Variants in CDH13 observed in about 807,000 individuals in gnomAD.
CDH13 encodes cadherin 13, also known as cadherin-13.
Under a neutral mutation model 63.8 loss-of-function variants are expected in CDH13, and 24 were observed. That is an observed-to-expected ratio of 0.38 (90% CI 0.27 to 0.53). The LOEUF (loss-of-function observed/expected upper bound fraction) is 0.53, where lower values mean the gene tolerates loss of function less well. Among genes scored for constraint, CDH13 ranks in the 20% least tolerant of loss-of-function variants. The pLI, the probability that CDH13 is intolerant of heterozygous loss-of-function variation, is 0.85. For missense variants in CDH13, 1,049 were observed against 903.1 expected (o/e 1.16, Z -2.07); for synonymous variants, 503 against 355.3 (o/e 1.42, Z -4.67).
chr16:82,946,859 C>T lies in CDH13; in HGVS notation c.158-85151C>T, dbSNP rs181588735. 2.4e-3 allele frequency among the ~76,000 whole-genome samples: 364 copies of T among 152,198 alleles called. 2 individuals carry two copies. Among genetic ancestry groups the T allele is most frequent in the African/African-American group, 7.8e-3 (323 of 41,522 alleles). On this transcript the variant is annotated intron_variant, in intron 2 of 13. Transcript: ENST00000567109. Reference sequence around the variant, plus strand: ...TCAAAATGATTTATACATACAATCACTAGAGTGAAGTTGAAAGTGTTTTAA... The same window carrying T: ...TCAAAATGATTTATACATACAATCATTAGAGTGAAGTTGAAAGTGTTTTAA...
At chr16:83,625,494 C>T (rs1037908824) in intron 8 of CDH13, among the ~76,000 whole-genome samples, 2 of 152,206 alleles carry the variant, frequency 1.3e-5, no homozygotes, top group Admixed American at 6.5e-5. Flanking sequence ...TGCTGAGAGC[C>T]GAGCCTGTTA....
intron 2 of CDH13, among the ~76,000 whole-genome samples, chr16:82,902,899 C>A (rs145904989): frequency 6.6e-6 from 1 of 152,202 alleles, no homozygotes; most frequent in Non-Finnish European, 1.5e-5. Flanking sequence ...ATGGAAAGGG[C>A]GAAGTCTGGG....
chr16:83,531,382 G>C (rs1292496132), intron 7 of CDH13, among the ~76,000 whole-genome samples: 1 of 152,186 alleles, frequency 6.6e-6, no homozygotes, highest in Non-Finnish European at 1.5e-5. Flanking sequence ...AGACACCCAA[G>C]TCCTGATCCT....
intron 4 of CDH13, among the ~76,000 whole-genome samples, chr16:83,139,337 CTTTTA>C (rs927503754): frequency 2.0e-5 from 3 of 152,198 alleles, no homozygotes; most frequent in African/African-American, 7.2e-5. Flanking sequence ...AATTTGAAAA[CTTTTA>C]TTTTATTTTT....
intron 13 of CDH13, among the ~76,000 whole-genome samples, chr16:83,784,754 C>T (rs1392124026): frequency 6.6e-6 from 1 of 151,982 alleles, no homozygotes; most frequent in African/African-American, 2.4e-5. Context: ...CCTGACTTGT[C>T]TCTGATGACT....
intron 1 of CDH13, among the ~76,000 whole-genome samples, chr16:82,780,192 A>G (rs1291828112): frequency 1.3e-5 from 2 of 152,132 alleles, no homozygotes; most frequent in East Asian, 1.9e-4. Context: ...TATTTAAGAA[A>G]AAAACCCCAC....
At chr16:82,911,370 T>G (rs1232096268) in intron 2 of CDH13, among the ~76,000 whole-genome samples, 1 of 152,176 alleles carries the variant, frequency 6.6e-6, no homozygotes, top group Non-Finnish European at 1.5e-5. Flanking sequence ...GCCTCTCCCC[T>G]CATCACAAAA....
At chr16:82,767,600 A>T (rs979480235) in intron 1 of CDH13, among the ~76,000 whole-genome samples, 1 of 152,146 alleles carries the variant, frequency 6.6e-6, no homozygotes, top group African/African-American at 2.4e-5. Flanking sequence ...TAACTTCCCC[A>T]GCATAGTGCC....
chr16:83,231,279 G>C (rs2039992337), intron 5 of CDH13, among the ~76,000 whole-genome samples: 1 of 152,194 alleles, frequency 6.6e-6, no homozygotes, highest in Non-Finnish European at 1.5e-5. Flanking sequence ...ATGGAGAGTT[G>C]CCTTCCTACT....
intron 7 of CDH13, among the ~76,000 whole-genome samples, chr16:83,487,394 A>G (rs1436219392): frequency 1.3e-5 from 2 of 152,168 alleles, no homozygotes; most frequent in Non-Finnish European, 1.5e-5. Flanking sequence ...CATGTGCACT[A>G]TCGGTGGTGT....
intron 10 of CDH13, among the ~76,000 whole-genome samples, chr16:83,683,659 T>C (rs1358499786): frequency 6.6e-6 from 1 of 152,220 alleles, no homozygotes; most frequent in Non-Finnish European, 1.5e-5. Context: ...TTGTTTGCAG[T>C]TTTTTAAAAC....
At chr16:82,793,207 T>G (rs1451379065) in intron 1 of CDH13, among the ~76,000 whole-genome samples, 1 of 152,186 alleles carries the variant, frequency 6.6e-6, no homozygotes, top group Non-Finnish European at 1.5e-5. Flanking sequence ...CTGTTAGTAA[T>G]GAGCATTTGC....
At chr16:83,688,310 T>G (rs1353289082) in intron 10 of CDH13, among the ~76,000 whole-genome samples, 1 of 152,196 alleles carries the variant, frequency 6.6e-6, no homozygotes, top group Non-Finnish European at 1.5e-5. Flanking sequence ...AATGCAAATT[T>G]TGTCATCACT....
Position 82,938,171 on chromosome 16 carries a change from G to C in CDH13, c.157+79698G>C, listed in dbSNP as rs375019127. Among the ~76,000 whole-genome samples the C allele has an allele frequency of 5.9e-5, 9 of 152,292 alleles. No individual in the cohort carries two copies. In the South Asian group the frequency reaches 1.7e-3, roughly 28 times the overall value. The stretch of plus-strand genomic sequence containing the variant: ...AAGAGCCTTTACTGAAAAGGGCATT[G>C]AGTTACACAGGCAATAGCTTTTTCA... On this transcript the variant is annotated intron_variant, in intron 2 of 13. Transcript: ENST00000567109.
At chr16:83,441,784 T>C (rs2072487521) in intron 6 of CDH13, among the ~76,000 whole-genome samples, 1 of 152,174 alleles carries the variant, frequency 6.6e-6, no homozygotes, top group Non-Finnish European at 1.5e-5. Flanking sequence ...GTAAATGTGA[T>C]GATGATTCAG....
At position 82,893,456 on chromosome 16, in the gene CDH13, G is replaced by T. The variant is rs190168740; in HGVS notation, c.157+34983G>T. Among the ~76,000 whole-genome samples, 3 of 152,330 alleles carry T rather than the reference G, an allele frequency of 2.0e-5. No homozygotes were observed. The East Asian group carries it at 5.8e-4, about 29-fold the overall frequency. ...GCCAACTAATGGGTTTCTAATCATTGTTAATCTACAAGTGTGATCAGTTTA... is the reference window on the plus strand; with the variant it reads ...GCCAACTAATGGGTTTCTAATCATTTTTAATCTACAAGTGTGATCAGTTTA... On this transcript the variant is annotated intron_variant, in intron 2 of 13. Coordinates refer to ENST00000567109, the MANE Select transcript of CDH13 (RefSeq NM_001257.5).
chr16:83,101,285 A>G (rs577492747), intron 3 of CDH13, among the ~76,000 whole-genome samples: 1 of 150,558 alleles, frequency 6.6e-6, no homozygotes, highest in South Asian at 2.1e-4. Context: ...ATACAGATAT[A>G]TACTTTATGT....
intron 6 of CDH13, among the ~76,000 whole-genome samples, chr16:83,444,406 C>T (rs144011779): frequency 1.3e-5 from 2 of 152,272 alleles, no homozygotes; most frequent in South Asian, 2.1e-4. Flanking sequence ...AGTTTAAACT[C>T]GGTAAGGAAC....
At chr16:83,522,083 G>GTT (rs1468183812) in intron 7 of CDH13, among the ~76,000 whole-genome samples, 1 of 152,196 alleles carries the variant, frequency 6.6e-6, no homozygotes, top group Non-Finnish European at 1.5e-5. Flanking sequence ...TGCAAATCCA[G>GTT]TTCTCCCCTG....
Sources: gnomAD v4.1 joint callset for allele counts (sites outside exome capture counted in the v4.1 genomes callset) on GRCh38, gnomAD v4.1.1 for gene constraint, MANE v1.5 for transcripts, NCBI Gene and HGNC (gene_info 2026-07-23, HGNC 2026-07-21) for gene names.